The following EXOG variants were observed in gnomAD, a reference collection of about 807,000 sequenced individuals.
EXOG encodes the protein exo/endonuclease G.
Under a neutral mutation model 25.8 loss-of-function variants are expected in EXOG, and 27 were observed. The observed-to-expected ratio is 1.05, with a 90% confidence interval of 0.77 to 1.45. EXOG has a LOEUF of 1.45. EXOG is among the 40% of genes most tolerant of loss of function. The pLI, the probability that EXOG is intolerant of heterozygous loss-of-function variation, is 0.00. For synonymous variants in EXOG, 133 were observed against 167.0 expected, an observed-to-expected ratio of 0.80 and a Z score of 1.57; for missense variants, 458 against 450.5, an observed-to-expected ratio of 1.02 and a Z score of -0.15.
chr3:38,509,429 T>C (rs946097734), intron 5 of EXOG, among the ~76,000 whole-genome samples: 1 of 152,238 alleles, frequency 6.6e-6, no homozygotes, highest in Non-Finnish European at 1.5e-5. Context: ...TTTTCTTAAG[T>C]TGGATATAAT....
chr3:38,512,945 C>T (rs1035500132), intron 5 of EXOG, among the ~76,000 whole-genome samples: 1 of 152,140 alleles, frequency 6.6e-6, no homozygotes, highest in Non-Finnish European at 1.5e-5. Flanking sequence ...TACAGGCATG[C>T]ACCACCATGC....
intron 2 of EXOG, 122 bp downstream of exon 2, chr3:38,497,900 T>G: frequency 8.0e-7 from 1 of 1,251,648 alleles, no homozygotes; most frequent in Non-Finnish European, 1.1e-6. Context: ...TAGAAAATTA[T>G]ATTTATATAA....
At position 38,526,249 on chromosome 3, in the gene EXOG, G is replaced by C; in HGVS notation, c.*1887G>C. On this transcript the variant is annotated 3_prime_UTR_variant, in exon 6 of 6. Coordinates refer to ENST00000287675, the MANE Select transcript of EXOG (RefSeq NM_005107.4). ...GTATTACAAGAAAGATTTTTGTGGT[G>C]TGTTTGTTCTAAGAGAAATGCCAAG... The C allele has an allele frequency of 1.0e-6, 1 of 984,864 alleles. No individual in the cohort carries two copies. Among genetic ancestry groups the C allele is most frequent in the Non-Finnish European group, 1.2e-6 (1 of 829,426 alleles). The allele number at this position is 984,864 out of a possible 1,614,324, so 61.0% of individuals were successfully genotyped here.
rs2060849263 is a variant in EXOG, at chr3:38,525,564, C to T, written c.*1202C>T. On this transcript the variant is annotated 3_prime_UTR_variant, in exon 6 of 6. Coordinates refer to ENST00000287675, the MANE Select transcript of EXOG (RefSeq NM_005107.4). The stretch of plus-strand genomic sequence containing the variant: ...GAGCCCATGCTTGCCTCCAGAGATA[C>T]AGTTCTTTTAGTGACCAGATACTGC... 3.0e-6 allele frequency: 3 copies of T among 985,046 alleles called. No individual in the cohort carries two copies. Among genetic ancestry groups the T allele is most frequent in the South Asian group, 9.4e-5 (2 of 21,280 alleles). 61.0% of individuals were successfully genotyped at this position (985,046 alleles called of 1,614,324 possible).
rs568851193 is a variant in EXOG, at chr3:38,504,521, C to T, written c.530+830C>T. On this transcript the variant is annotated intron_variant, in intron 4 of 5. Transcript: ENST00000287675. ...CACAATCTCGGCTCACTACAACCTCCGCCTCCCGGGTTCAAGCGATTCTCC... is the reference window on the plus strand; with the variant it reads ...CACAATCTCGGCTCACTACAACCTCTGCCTCCCGGGTTCAAGCGATTCTCC... Among the ~76,000 whole-genome samples the T allele has an allele frequency of 3.9e-3, 597 of 152,120 alleles. 6 individuals carry two copies. Among genetic ancestry groups the T allele is most frequent in the Non-Finnish European group, 4.8e-3 (327 of 67,998 alleles).
At chr3:38,511,501 TA>T (rs1282552891) in intron 5 of EXOG, among the ~76,000 whole-genome samples, 2 of 152,224 alleles carry the variant, frequency 1.3e-5, no homozygotes, top group Non-Finnish European at 2.9e-5. Flanking sequence ...ATCTGCAAGA[TA>T]AAGTGAAATT....
At position 38,523,615 on chromosome 3, in the gene EXOG, G is replaced by A. The variant is rs747020125; in HGVS notation, c.646-286G>A. The stretch of plus-strand genomic sequence containing the variant: ...ACTCCTGACCTCAAGTGATCTGCCC[G>A]CCTTGGCGTCCCAAAGTGCTGGGAT... On this transcript the variant is annotated intron_variant, in intron 5 of 5. Coordinates refer to ENST00000287675, the MANE Select transcript of EXOG (RefSeq NM_005107.4). Among the ~76,000 whole-genome samples the A allele has an allele frequency of 5.3e-5, 8 of 152,072 alleles. No individual in the cohort carries two copies. In the East Asian group the frequency reaches 5.8e-4, roughly 11 times the overall value.
At chr3:38,510,426 C>T (rs1392520101) in intron 5 of EXOG, among the ~76,000 whole-genome samples, 2 of 152,022 alleles carry the variant, frequency 1.3e-5, no homozygotes, top group African/African-American at 2.4e-5. Flanking sequence ...TATTAAATTT[C>T]CTGATTTTTA....
At chr3:38,510,107 A>C (rs2060321330) in intron 5 of EXOG, among the ~76,000 whole-genome samples, 1 of 152,212 alleles carries the variant, frequency 6.6e-6, no homozygotes, top group African/African-American at 2.4e-5. Context: ...AATGGGACTT[A>C]GTGAAACGCT....
intron 5 of EXOG, among the ~76,000 whole-genome samples, chr3:38,510,934 A>G (rs2060349562): frequency 6.6e-6 from 1 of 152,056 alleles, no homozygotes; most frequent in African/African-American, 2.4e-5. Flanking sequence ...GGTCTTAGGT[A>G]TTCTCTTTCA....
chr3:38,502,622 A>C (rs1317703210), intron 3 of EXOG, among the ~76,000 whole-genome samples: 1 of 152,204 alleles, frequency 6.6e-6, no homozygotes. Flanking sequence ...TATCACACCA[A>C]GAAGTGTATA....
rs2060744614 is a variant in EXOG at position 38,522,397 on chromosome 3, A to G, written c.646-1504A>G. On this transcript the variant is annotated intron_variant, in intron 5 of 5. Coordinates refer to ENST00000287675, the MANE Select transcript of EXOG (RefSeq NM_005107.4). ...GACTCTTACCAGGGAAGGGCCCGGGAGGGGCAGTAATACCAATGAGCATGT... is the reference window on the plus strand; with the variant it reads ...GACTCTTACCAGGGAAGGGCCCGGGGGGGGCAGTAATACCAATGAGCATGT... 1.3e-5 allele frequency among the ~76,000 whole-genome samples: 2 copies of G among 152,222 alleles called. 1 individual carries two copies. The highest frequency in any genetic ancestry group is 4.8e-5 in the African/African-American group (2 of 41,466).
chr3:38,506,256 T>C (rs953589189), intron 4 of EXOG, among the ~76,000 whole-genome samples: 1 of 152,212 alleles, frequency 6.6e-6, no homozygotes, highest in African/African-American at 2.4e-5. Context: ...ATTATAAAGA[T>C]TGTTGTGAAA....
chr3:38,524,856 A>G lies in EXOG; in HGVS notation c.*494A>G, dbSNP rs978212734. The G allele has an allele frequency of 6.1e-6, 6 of 986,410 alleles. No homozygotes were observed. The highest frequency in any genetic ancestry group is 7.2e-6 in the Non-Finnish European group (6 of 830,742). The allele number at this position is 986,410 out of a possible 1,614,324, so 61.1% of individuals were successfully genotyped here. A position where few individuals can be genotyped will look rare whatever the true frequency, so the allele number is the denominator to read the frequency against. On this transcript the variant is annotated 3_prime_UTR_variant, in exon 6 of 6. Transcript: ENST00000287675. ...TGTGGATGTAGAGTATTGGGAAGGCATTTGTTTAGTTTCATGCCTCCAAAC... is the reference window on the plus strand; with the variant it reads ...TGTGGATGTAGAGTATTGGGAAGGCGTTTGTTTAGTTTCATGCCTCCAAAC...
intron 1 of EXOG, chr3:38,497,184 G>C (rs1575602038): frequency 9.9e-7 from 1 of 1,008,024 alleles, no homozygotes; most frequent in African/African-American, 1.7e-5. Flanking sequence ...TACCCCCTTG[G>C]GGGGTTGAGG....
Position 38,496,435 on chromosome 3 carries a change from G to A in EXOG, c.68G>A (p.Gly23Glu). 4 of 1,614,128 alleles carry A rather than the reference G, an allele frequency of 2.5e-6. No homozygotes were observed. Among genetic ancestry groups the A allele is most frequent in the Non-Finnish European group, 3.4e-6 (4 of 1,179,994 alleles). The part of the protein sequence containing the change: ...SRRFLSGFVA[G>E]AVVGAAGAGL... Reference sequence around the variant, plus strand: ...CGTTTTCTGAGCGGCTTCGTGGCTGGGGCTGTAGTGGGCGCTGCGGGAGCT... The same window carrying A: ...CGTTTTCTGAGCGGCTTCGTGGCTGAGGCTGTAGTGGGCGCTGCGGGAGCT... The change falls in exon 1 of 6, where the codon GGG becomes GAG. Residue 23 changes from glycine (G) to glutamate (E), a missense_variant. Physicochemically the swap from Gly to Glu is moderately conservative, Grantham distance 98. Coordinates refer to ENST00000287675, the MANE Select transcript of EXOG (RefSeq NM_005107.4).
At chr3:38,503,990 T>G (rs964947188) in intron 4 of EXOG, among the ~76,000 whole-genome samples, 1 of 152,214 alleles carries the variant, frequency 6.6e-6, no homozygotes, top group African/African-American at 2.4e-5. Flanking sequence ...CTTTTTTGAG[T>G]GTGTTCAGTG....
chr3:38,501,395 C>T lies in EXOG; in HGVS notation c.354C>T (p.Pro118=), dbSNP rs2060039904. The stretch of plus-strand genomic sequence containing the variant: ...AGCATTGTAAATTTAAGCCTGATCC[C>T]AATATCCCTCCAACCTTCAGTGCCT... ...DRKHCKFKPD[P]NIPPTFSAFN... Residue 118 remains proline (P), a synonymous_variant, in exon 3 of 6, where the codon CCC becomes CCT. Coordinates refer to ENST00000287675, the MANE Select transcript of EXOG (RefSeq NM_005107.4). 2 of 1,613,174 alleles carry T rather than the reference C, an allele frequency of 1.2e-6. No individual in the cohort carries two copies. The highest frequency in any genetic ancestry group is 3.3e-5 in the Admixed American group (2 of 60,000).
rs149160498 is a variant in EXOG at position 38,524,504 on chromosome 3, G to C, written c.*142G>C. 7.4e-4 allele frequency: 1,019 copies of C among 1,375,068 alleles called. 7 individuals are homozygous for C. The African/African-American group carries it at 0.013, about 17-fold the overall frequency. 85.2% of individuals were successfully genotyped at this position (1,375,068 alleles called of 1,614,324 possible). On this transcript the variant is annotated 3_prime_UTR_variant, in exon 6 of 6. Transcript: ENST00000287675. ...GTGGTCTCGCCGTGTCATCCAGGCTGGAGTGCAGTGGTGGAATCATAGCTC... is the reference window on the plus strand; with the variant it reads ...GTGGTCTCGCCGTGTCATCCAGGCTCGAGTGCAGTGGTGGAATCATAGCTC...
Sources: gnomAD v4.1 joint callset for allele counts (sites outside exome capture counted in the v4.1 genomes callset) on GRCh38, gnomAD v4.1.1 for gene constraint, MANE v1.5 for transcripts, NCBI Gene and HGNC (gene_info 2026-07-23, HGNC 2026-07-21) for gene names.